PSTPIP2: variants seen among roughly 807,000 people sequenced by gnomAD.
PSTPIP2 encodes the protein proline-serine-threonine phosphatase interacting protein 2.
In PSTPIP2, 33 loss-of-function variants were observed where a neutral mutation model predicts 63.3. The ratio of observed to expected loss-of-function variants is 0.52; its 90% CI spans 0.40 to 0.70. The LOEUF (loss-of-function observed/expected upper bound fraction) is 0.70. Among genes scored for constraint, PSTPIP2 ranks in the 30% least tolerant of loss-of-function variants. The pLI, the probability that PSTPIP2 is intolerant of heterozygous loss-of-function variation, is 0.00. For synonymous variants in PSTPIP2, 125 were observed against 132.7 expected (o/e 0.94, Z 0.40); for missense variants, 312 against 400.7 (o/e 0.78, Z 1.89).
intron 1 of PSTPIP2, among the ~76,000 whole-genome samples, chr18:46,043,473 G>C (rs1398008670): frequency 1.3e-5 from 2 of 151,692 alleles, no homozygotes; most frequent in Non-Finnish European, 2.9e-5. Flanking sequence ...CCTCACAATA[G>C]AAAATCAACA....
At chr18:46,059,438 A>G (rs1908908104) in intron 1 of PSTPIP2, among the ~76,000 whole-genome samples, 2 of 151,936 alleles carry the variant, frequency 1.3e-5, no homozygotes, top group African/African-American at 2.4e-5. Context: ...TAGTAAACAC[A>G]TGGTTTCACC....
chr18:46,024,097 G>A (rs534238554), intron 3 of PSTPIP2, among the ~76,000 whole-genome samples: 2 of 151,740 alleles, frequency 1.3e-5, no homozygotes, highest in Non-Finnish European at 2.9e-5. Flanking sequence ...AGTGACACGC[G>A]CCTGTATTCC....
chr18:46,024,456 C>T (rs994566520), intron 3 of PSTPIP2, among the ~76,000 whole-genome samples, 153 bp downstream of exon 3: 1 of 152,008 alleles, frequency 6.6e-6, no homozygotes, highest in African/African-American at 2.4e-5. Context: ...TGAGTTTGAG[C>T]CCAGCCTGGA....
intron 2 of PSTPIP2, among the ~76,000 whole-genome samples, chr18:46,038,944 C>G (rs1265459263): frequency 1.3e-5 from 2 of 152,176 alleles, no homozygotes; most frequent in African/African-American, 2.4e-5. Context: ...TGAGACCAGC[C>G]TGACCAACAT....
chr18:46,053,287 T>G (rs1255239914), intron 1 of PSTPIP2, among the ~76,000 whole-genome samples: 2 of 152,204 alleles, frequency 1.3e-5, no homozygotes, highest in Non-Finnish European at 1.5e-5. Context: ...ACTTCACTAC[T>G]GCCATTTCAC....
intron 6 of PSTPIP2, 46 bp from the exon 7 acceptor site, chr18:45,999,580 T>G (rs2051641493): frequency 1.9e-6 from 3 of 1,604,100 alleles, no homozygotes; most frequent in Non-Finnish European, 2.6e-6. Flanking sequence ...GAACAGAGTG[T>G]AACCATGAAA....
chr18:46,011,314 C>T (rs2051794101), intron 4 of PSTPIP2, 27 bp from the exon 5 acceptor site: 1 of 1,509,394 alleles, frequency 6.6e-7, no homozygotes. Flanking sequence ...AAAAAAAAAT[C>T]AAGGTCTACA....
At chr18:46,040,778 A>T (rs990620361) in intron 1 of PSTPIP2, among the ~76,000 whole-genome samples, 2 of 152,280 alleles carry the variant, frequency 1.3e-5, no homozygotes, top group Non-Finnish European at 1.5e-5. Flanking sequence ...TTTTTAATTG[A>T]TGAGACTGAA....
intron 4 of PSTPIP2, among the ~76,000 whole-genome samples, chr18:46,013,353 C>T (rs2051820800): frequency 6.6e-6 from 1 of 152,130 alleles, no homozygotes; most frequent in African/African-American, 2.4e-5. Context: ...TCTAGAATTA[C>T]TCAACTAGCT....
intron 6 of PSTPIP2, among the ~76,000 whole-genome samples, chr18:46,003,430 C>T (rs752488116): frequency 1.6e-4 from 24 of 152,302 alleles, no homozygotes; most frequent in Non-Finnish European, 3.2e-4. Context: ...TTGGCCTTTG[C>T]TGATGTGTGG....
At chr18:46,020,708 G>A (rs1907315588) in intron 3 of PSTPIP2, among the ~76,000 whole-genome samples, 1 of 152,090 alleles carries the variant, frequency 6.6e-6, no homozygotes, top group Non-Finnish European at 1.5e-5. Context: ...ATGTCATGGG[G>A]TGACAAAAAC....
intron 1 of PSTPIP2, among the ~76,000 whole-genome samples, chr18:46,059,018 CT>C (rs200623149): frequency 1.4e-5 from 2 of 147,506 alleles, no homozygotes. Context: ...CCTCTTAATT[CT>C]TTTTTTTTCT....
At chr18:46,036,456 C>G (rs951128231) in intron 2 of PSTPIP2, among the ~76,000 whole-genome samples, 2 of 152,024 alleles carry the variant, frequency 1.3e-5, no homozygotes, top group African/African-American at 4.8e-5. Context: ...ATCTAGCAAG[C>G]CTTCAATAAA....
At chr18:46,063,091 C>T (rs1167035971) in intron 1 of PSTPIP2, among the ~76,000 whole-genome samples, 2 of 152,138 alleles carry the variant, frequency 1.3e-5, no homozygotes, top group African/African-American at 2.4e-5. Context: ...CAGCTTCAAC[C>T]GCATGGACTC....
chr18:46,053,018 A>G (rs1908635700), intron 1 of PSTPIP2, among the ~76,000 whole-genome samples: 1 of 152,222 alleles, frequency 6.6e-6, no homozygotes, highest in Admixed American at 6.5e-5. Flanking sequence ...ATGAACAAAA[A>G]TACATAAATA....
At chr18:45,994,362 T>A (rs1401536442) in intron 9 of PSTPIP2, among the ~76,000 whole-genome samples, 1 of 152,234 alleles carries the variant, frequency 6.6e-6, no homozygotes, top group Non-Finnish European at 1.5e-5. Context: ...GAATGAATTT[T>A]ACATACCATA....
Position 45,988,598 on chromosome 18 carries a change from G to A in PSTPIP2, c.*8+104C>T, listed in dbSNP as rs928999321. ...GGCCAGTGTACCTGCCTCATGCAAG[G>A]CCTTGCTAGTTTGTGGTAGTGTTAT... On this transcript the variant is annotated intron_variant, in intron 14 of 14. Coordinates refer to ENST00000409746, the MANE Select transcript of PSTPIP2 (RefSeq NM_024430.4). The A allele has an allele frequency of 4.1e-6, 4 of 976,872 alleles. No homozygotes were observed. The African/African-American group carries it at 4.9e-5, about 12-fold the overall frequency. 60.5% of individuals were successfully genotyped at this position (976,872 alleles called of 1,614,324 possible).
At chr18:45,997,508 G>T (rs1599699801) in intron 9 of PSTPIP2, among the ~76,000 whole-genome samples, 1 of 151,928 alleles carries the variant, frequency 6.6e-6, no homozygotes, top group Admixed American at 6.6e-5. Flanking sequence ...TTTCTAATTT[G>T]CCCTCAAGCT....
At position 45,999,554 on chromosome 18, in the gene PSTPIP2, G is replaced by A. The variant is rs2051641110; in HGVS notation, c.418-20C>T. 1 of 1,613,400 alleles carries A rather than the reference G, an allele frequency of 6.2e-7. No individual in the cohort carries two copies. Among genetic ancestry groups the A allele is most frequent in the Non-Finnish European group, 8.5e-7 (1 of 1,179,416 alleles). On this transcript the variant is annotated intron_variant, in intron 6 of 14. Coordinates refer to ENST00000409746, the MANE Select transcript of PSTPIP2 (RefSeq NM_024430.4). ...CTTTGCCTTTGTCATTATGAACAAA[G>A]AGAACCAAAACAAATGAACAGAGTG...
Sources: gnomAD v4.1 joint callset for allele counts (sites outside exome capture counted in the v4.1 genomes callset) on GRCh38, gnomAD v4.1.1 for gene constraint, MANE v1.5 for transcripts, NCBI Gene and HGNC (gene_info 2026-07-23, HGNC 2026-07-21) for gene names.